UBE2D1: variants seen among roughly 807,000 people sequenced by gnomAD.
The protein encoded by UBE2D1 is ubiquitin-conjugating enzyme E2 D1.
UBE2D1 carries 9 observed loss-of-function variants against 24.6 expected under a neutral mutation model. That is an observed-to-expected ratio of 0.37 (90% confidence interval 0.22 to 0.64). UBE2D1 has a LOEUF of 0.64. Among genes scored for constraint, UBE2D1 ranks in the 30% least tolerant of loss-of-function variants. UBE2D1 has a pLI of 0.64. For missense variants in UBE2D1, 87 were observed against 177.1 expected (o/e 0.49, Z 2.89); for synonymous variants, 57 against 57.6 (o/e 0.99, Z 0.04).
chr10:58,345,402 GA>G (rs1284191750), intron 1 of UBE2D1, among the ~76,000 whole-genome samples: 1 of 152,142 alleles, frequency 6.6e-6, no homozygotes, highest in African/African-American at 2.4e-5. Flanking sequence ...TTGAGCCCAG[GA>G]ATTCAAGATT....
chr10:58,357,644 G>A (rs1014557868), intron 1 of UBE2D1, among the ~76,000 whole-genome samples: 11 of 151,948 alleles, frequency 7.2e-5, no homozygotes, highest in Admixed American at 2.0e-4. Context: ...TTTGTTTTCT[G>A]TAGGTCATTC....
At chr10:58,352,889 C>G (rs561126905) in intron 1 of UBE2D1, among the ~76,000 whole-genome samples, 1 of 151,732 alleles carries the variant, frequency 6.6e-6, no homozygotes, top group East Asian at 1.9e-4. Context: ...CTCTTCTGTC[C>G]TAGGATAAAC....
At chr10:58,367,832 G>A (rs1589005192) in intron 5 of UBE2D1, 91 bp from the exon 6 acceptor site, 1 of 768,284 alleles carries the variant, frequency 1.3e-6, no homozygotes, top group East Asian at 2.6e-5. Flanking sequence ...TATAAGTACA[G>A]TATCTATATT....
At chr10:58,352,062 C>G (rs1588999723) in intron 1 of UBE2D1, among the ~76,000 whole-genome samples, 1 of 152,242 alleles carries the variant, frequency 6.6e-6, no homozygotes, top group East Asian at 1.9e-4. Flanking sequence ...AACTTTCCCT[C>G]TACTAGAAAT....
At chr10:58,356,534 C>T (rs1209236633) in intron 1 of UBE2D1, among the ~76,000 whole-genome samples, 1 of 152,096 alleles carries the variant, frequency 6.6e-6, no homozygotes, top group Admixed American at 6.6e-5. Context: ...ATACAAGATG[C>T]TGCAGTAAAT....
At chr10:58,367,116 A>T (rs1371309391) in intron 5 of UBE2D1, among the ~76,000 whole-genome samples, 3 of 152,256 alleles carry the variant, frequency 2.0e-5, no homozygotes, top group Non-Finnish European at 2.9e-5. Context: ...TCTGCTCTAT[A>T]AATCCACCTT....
chr10:58,347,334 A>G (rs1201109442), intron 1 of UBE2D1, among the ~76,000 whole-genome samples: 1 of 152,180 alleles, frequency 6.6e-6, no homozygotes, highest in Non-Finnish European at 1.5e-5. Context: ...GAATAAATGC[A>G]TTTTTACTGT....
chr10:58,361,111 T>C (rs1840192466), intron 1 of UBE2D1, among the ~76,000 whole-genome samples: 1 of 152,156 alleles, frequency 6.6e-6, no homozygotes. Context: ...AGAAAAACAG[T>C]ATTTTTTTTC....
chr10:58,360,871 G>A, intron 1 of UBE2D1: 1 of 418,418 alleles, frequency 2.4e-6, no homozygotes, highest in Non-Finnish European at 4.7e-6. Flanking sequence ...GCTGCAGTGA[G>A]CTTTCGTGCC....
At chr10:58,348,406 C>T (rs955183517) in intron 1 of UBE2D1, among the ~76,000 whole-genome samples, 1 of 152,096 alleles carries the variant, frequency 6.6e-6, no homozygotes, top group African/African-American at 2.4e-5. Context: ...TTAGAGGCAA[C>T]ATGAAAAATG....
chr10:58,356,294 T>A (rs1172089920), intron 1 of UBE2D1, among the ~76,000 whole-genome samples: 1 of 152,134 alleles, frequency 6.6e-6, no homozygotes, highest in Non-Finnish European at 1.5e-5. Flanking sequence ...TTATTTATTT[T>A]TGCCTAGAAT....
intron 1 of UBE2D1, among the ~76,000 whole-genome samples, chr10:58,351,010 G>A (rs1182018029): frequency 6.6e-6 from 1 of 152,146 alleles, no homozygotes. Context: ...AAAAGGTACA[G>A]TAAAAATATA....
chr10:58,354,632 G>T (rs1840111277), intron 1 of UBE2D1, among the ~76,000 whole-genome samples: 2 of 152,144 alleles, frequency 1.3e-5, no homozygotes, highest in African/African-American at 4.8e-5. Flanking sequence ...AGGAGTTCAA[G>T]ACCAGCCTGG....
intron 1 of UBE2D1, among the ~76,000 whole-genome samples, chr10:58,342,193 A>G (rs2132315108): frequency 6.6e-6 from 1 of 152,256 alleles, no homozygotes. Flanking sequence ...CTAGAAGCAT[A>G]CAGTCTAGTG....
chr10:58,361,546 A>C lies in UBE2D1; in HGVS notation c.120+20A>C. ...GGGCCTGTAAGTATGATTCATATCTATGAAATTAACCCCCTCAGCCATACT... is the reference window on the plus strand; with the variant it reads ...GGGCCTGTAAGTATGATTCATATCTCTGAAATTAACCCCCTCAGCCATACT... On this transcript the variant is annotated intron_variant, in intron 3 of 6. Coordinates refer to ENST00000373910, the MANE Select transcript of UBE2D1 (RefSeq NM_003338.5). 6.2e-7 allele frequency: 1 copy of C among 1,613,846 alleles called. No homozygotes were observed. Among genetic ancestry groups the C allele is most frequent in the Non-Finnish European group, 8.5e-7 (1 of 1,179,990 alleles).
At chr10:58,342,975 G>A (rs758569368) in intron 1 of UBE2D1, among the ~76,000 whole-genome samples, 18 of 151,588 alleles carry the variant, frequency 1.2e-4, no homozygotes, top group African/African-American at 3.1e-4. Context: ...GATTACAGGC[G>A]CCCACCACCA....
At chr10:58,348,741 A>G (rs1840042245) in intron 1 of UBE2D1, among the ~76,000 whole-genome samples, 2 of 152,150 alleles carry the variant, frequency 1.3e-5, no homozygotes, top group South Asian at 2.1e-4. Context: ...ATTAAGTTTT[A>G]TGGTAAATAT....
chr10:58,338,571 A>C (rs1002743101), intron 1 of UBE2D1, among the ~76,000 whole-genome samples: 1 of 152,212 alleles, frequency 6.6e-6, no homozygotes, highest in Non-Finnish European at 1.5e-5. Context: ...TCTTCTATCA[A>C]TACTATTTTC....
chr10:58,348,761 C>T (rs1414143773), intron 1 of UBE2D1, among the ~76,000 whole-genome samples: 1 of 152,160 alleles, frequency 6.6e-6, no homozygotes, highest in Non-Finnish European at 1.5e-5. Context: ...TGGCAGTTCT[C>T]ACTTGTTTGC....
Sources: allele counts gnomAD v4.1 joint callset (sites outside exome capture counted in the v4.1 genomes callset), GRCh38; gene constraint gnomAD v4.1.1; transcripts MANE v1.5; gene names NCBI Gene and HGNC (gene_info 2026-07-23, HGNC 2026-07-21).